PCDH15: variants seen among roughly 807,000 people sequenced by gnomAD.
The protein encoded by PCDH15 is protocadherin-15.
A neutral mutation model predicts 178.5 loss-of-function variants in PCDH15; 129 were observed. The ratio of observed to expected loss-of-function variants is 0.72; its 90% CI spans 0.63 to 0.84. The LOEUF is 0.84. Among genes scored for constraint, PCDH15 ranks in the 40% least tolerant of loss-of-function variants. PCDH15 has a pLI of 0.00. For synonymous variants in PCDH15, 800 were observed against 732.0 expected (o/e 1.09, Z -1.50); for missense variants, 2,230 against 2,099.9 (o/e 1.06, Z -1.21).
chr10:54,036,324 C>T (rs2093415963), intron 18 of PCDH15, among the ~76,000 whole-genome samples: 1 of 151,850 alleles, frequency 6.6e-6, no homozygotes, highest in South Asian at 2.1e-4. Flanking sequence ...GAGGTCAATG[C>T]CTAGATTCAA....
intron 2 of PCDH15, among the ~76,000 whole-genome samples, chr10:54,577,118 C>G (rs1333367024): frequency 6.6e-6 from 1 of 151,262 alleles, no homozygotes; most frequent in African/African-American, 2.4e-5. Flanking sequence ...CAGTCTCACT[C>G]TGTCCCCAGG....
intron 26 of PCDH15, among the ~76,000 whole-genome samples, chr10:53,899,236 A>G (rs2082166402): frequency 6.6e-6 from 1 of 151,998 alleles, no homozygotes; most frequent in Non-Finnish European, 1.5e-5. Flanking sequence ...CAGAGTAAGA[A>G]CACAGTATAT....
At chr10:54,148,464 GTAGTT>G (rs1297259448) in intron 14 of PCDH15, among the ~76,000 whole-genome samples, 1 of 151,974 alleles carries the variant, frequency 6.6e-6, no homozygotes, top group Non-Finnish European at 1.5e-5. Flanking sequence ...TTGTTATACT[GTAGTT>G]TAGAGAATAA....
chr10:54,594,623 T>C (rs1937407), intron 2 of PCDH15, among the ~76,000 whole-genome samples: 144,844 of 152,266 alleles, frequency 0.95, 69,013 homozygotes, highest in Middle Eastern at 0.98. Context: ...ACTGCTTTGC[T>C]GGCAGGCACT....
At chr10:55,526,413 A>G (rs534708227) in intron 2 of PCDH15, among the ~76,000 whole-genome samples, 1 of 152,112 alleles carries the variant, frequency 6.6e-6, no homozygotes, top group South Asian at 2.1e-4. Flanking sequence ...CTTACACAGT[A>G]ATTTATTTTT....
intron 21 of PCDH15, among the ~76,000 whole-genome samples, chr10:53,987,830 T>C (rs1189419927): frequency 1.3e-5 from 2 of 152,226 alleles, no homozygotes; most frequent in African/African-American, 4.8e-5. Context: ...TCTTTTCACC[T>C]GTACCACATT....
chr10:54,588,611 T>G (rs568843183), intron 2 of PCDH15, among the ~76,000 whole-genome samples: 6 of 152,282 alleles, frequency 3.9e-5, no homozygotes, highest in African/African-American at 1.4e-4. Context: ...AGGATCTCAC[T>G]CTGTTGCCCA....
Position 54,318,070 on chromosome 10 carries a change from C to G in PCDH15, c.706-629G>C, listed in dbSNP as rs536077285. 2.0e-4 allele frequency among the ~76,000 whole-genome samples: 31 copies of G among 152,268 alleles called. No individual in the cohort carries two copies. In the South Asian group the frequency reaches 5.8e-3, roughly 29 times the overall value. On this transcript the variant is annotated intron_variant, in intron 7 of 37. Transcript: ENST00000644397. Reference sequence around the variant, plus strand: ...CTTGTAATTGTAAATTCCTTCTCTGCGCCTCTGAGGTGTTAATCTTTTATA... The same window carrying G: ...CTTGTAATTGTAAATTCCTTCTCTGGGCCTCTGAGGTGTTAATCTTTTATA...
At chr10:54,929,059 G>C (rs1288461259) in intron 2 of PCDH15, among the ~76,000 whole-genome samples, 3 of 152,310 alleles carry the variant, frequency 2.0e-5, no homozygotes, top group African/African-American at 7.2e-5. Flanking sequence ...TTTGTGGGCT[G>C]ATGCTAATTC....
chr10:55,205,930 G>C (rs11591703), intron 1 of PCDH15, among the ~76,000 whole-genome samples: 24,254 of 151,938 alleles, frequency 0.16, 2,634 homozygotes, highest in Non-Finnish European at 0.24. Flanking sequence ...GGCAAAGAGA[G>C]AGCTTATGCA....
chr10:55,550,306 A>T (rs1035748219), intron 2 of PCDH15, among the ~76,000 whole-genome samples: 5 of 152,150 alleles, frequency 3.3e-5, no homozygotes, highest in African/African-American at 1.2e-4. Flanking sequence ...ATTTAAGGAG[A>T]TGTTACTGAT....
chr10:55,227,448 A>G (rs1280845576), intron 1 of PCDH15, among the ~76,000 whole-genome samples: 2 of 47,614 alleles, frequency 4.2e-5, no homozygotes, highest in Non-Finnish European at 9.1e-5. Flanking sequence ...AAAGAAACAT[A>G]GGATCTTAAG....
At chr10:55,132,372 T>A (rs960776012) in intron 2 of PCDH15, among the ~76,000 whole-genome samples, 2 of 152,208 alleles carry the variant, frequency 1.3e-5, no homozygotes, top group Non-Finnish European at 2.9e-5. Context: ...TTCATCAGAA[T>A]AAATCTAATT....
chr10:54,717,147 C>G (rs918765800), intron 1 of PCDH15, among the ~76,000 whole-genome samples: 1 of 134,518 alleles, frequency 7.4e-6, no homozygotes, highest in Admixed American at 7.6e-5. Flanking sequence ...GACCTAAAAC[C>G]ATAAAAACCC....
At chr10:55,626,118 C>T (rs758398603) in intron 2 of PCDH15, among the ~76,000 whole-genome samples, 32 of 151,378 alleles carry the variant, frequency 2.1e-4, no homozygotes, top group Non-Finnish European at 3.7e-4. Context: ...CTGGAAGCTA[C>T]AAGTGTACAG....
intron 3 of PCDH15, among the ~76,000 whole-genome samples, chr10:54,391,775 C>A (rs1950572433): frequency 6.6e-6 from 1 of 152,132 alleles, no homozygotes; most frequent in South Asian, 2.1e-4. Flanking sequence ...GGCTCAGGAG[C>A]CTTCTGATGC....
intron 1 of PCDH15, among the ~76,000 whole-genome samples, chr10:55,233,222 C>G (rs1391033651): frequency 6.6e-6 from 1 of 151,972 alleles, no homozygotes; most frequent in African/African-American, 2.4e-5. Flanking sequence ...AATAAACATG[C>G]TTTTTCAATA....
At chr10:54,249,552 T>C (rs1034340030) in intron 8 of PCDH15, among the ~76,000 whole-genome samples, 4 of 152,226 alleles carry the variant, frequency 2.6e-5, no homozygotes, top group South Asian at 2.1e-4. Flanking sequence ...CCATGGCATA[T>C]GTGAATAGCA....
intron 2 of PCDH15, among the ~76,000 whole-genome samples, chr10:55,427,058 G>C (rs922054435): frequency 2.0e-5 from 3 of 151,860 alleles, no homozygotes; most frequent in Admixed American, 6.6e-5. Flanking sequence ...TTCTCACTTT[G>C]GGCCACAGCT....
Sources: gnomAD v4.1 joint callset for allele counts (sites outside exome capture counted in the v4.1 genomes callset) on GRCh38, gnomAD v4.1.1 for gene constraint, MANE v1.5 for transcripts, NCBI Gene and HGNC (gene_info 2026-07-23, HGNC 2026-07-21) for gene names.